SNTG2: variants seen among roughly 807,000 people sequenced by gnomAD.
The protein encoded by SNTG2 is gamma-2-syntrophin.
In SNTG2, 74 loss-of-function variants were observed where a neutral mutation model predicts 70.9. That is an observed-to-expected ratio of 1.04 (90% CI 0.86 to 1.27). The LOEUF is 1.27. SNTG2 is among the 50% of genes most tolerant of loss of function. The pLI, the probability that SNTG2 is intolerant of heterozygous loss-of-function variation, is 0.00. For synonymous variants in SNTG2, 278 were observed against 273.8 expected (o/e 1.02, Z -0.15); for missense variants, 717 against 690.7 (o/e 1.04, Z -0.43).
intron 2 of SNTG2, among the ~76,000 whole-genome samples, chr2:1,096,416 C>G (rs1236289655): frequency 6.6e-6 from 1 of 152,134 alleles, no homozygotes; most frequent in Non-Finnish European, 1.5e-5. Flanking sequence ...ACCATGCTTT[C>G]CATTAGAGCC....
chr2:1,363,110 T>G, intron 16 of SNTG2, among the ~76,000 whole-genome samples: 1 of 142,642 alleles, frequency 7.0e-6, no homozygotes, highest in Non-Finnish European at 1.5e-5. Context: ...ATGACTCCTG[T>G]GAAACCCTCA....
At chr2:1,180,332 A>G (rs1335322114) in intron 8 of SNTG2, among the ~76,000 whole-genome samples, 1 of 135,594 alleles carries the variant, frequency 7.4e-6, no homozygotes, top group Non-Finnish European at 1.6e-5. Flanking sequence ...ACAAAAGGCT[A>G]ATATCCAGAA....
chr2:1,173,449 C>A (rs1172114628), intron 8 of SNTG2, among the ~76,000 whole-genome samples: 1 of 152,154 alleles, frequency 6.6e-6, no homozygotes, highest in Middle Eastern at 3.2e-3. Flanking sequence ...TTGAGTCCTG[C>A]CTCTGACTTA....
intron 8 of SNTG2, among the ~76,000 whole-genome samples, chr2:1,178,855 C>T (rs1419261255): frequency 1.3e-5 from 2 of 152,110 alleles, no homozygotes; most frequent in Admixed American, 6.5e-5. Flanking sequence ...TTTGTATTGA[C>T]TGGAATAGTT....
At chr2:1,161,943 G>A (rs559501739) in intron 6 of SNTG2, among the ~76,000 whole-genome samples, 52 of 152,024 alleles carry the variant, frequency 3.4e-4, no homozygotes, top group Middle Eastern at 3.4e-3. Flanking sequence ...GCGAGATGGC[G>A]GGCGCCTGTA....
chr2:1,307,288 CTGTGTGTGTGTGCCAGCCCTGCATTG>C (rs1165032834), intron 14 of SNTG2, among the ~76,000 whole-genome samples: 6 of 139,142 alleles, frequency 4.3e-5, no homozygotes, highest in African/African-American at 1.4e-4. Flanking sequence ...GAACCGTGCA[CTGTGTGTGTGTGCCAGCCCTGCATTG>C]TGTGTGTGTG....
At chr2:1,342,378 A>G (rs77312860) in intron 16 of SNTG2, among the ~76,000 whole-genome samples, 33 of 60,608 alleles carry the variant, frequency 5.4e-4, no homozygotes, top group African/African-American at 1.8e-3. Context: ...TGTTCTGGGC[A>G]CGCCTGGCCC....
intron 1 of SNTG2, among the ~76,000 whole-genome samples, chr2:1,078,782 G>T (rs1664090075): frequency 6.6e-6 from 1 of 151,686 alleles, no homozygotes. Context: ...GAAGGCAACT[G>T]AACCCCGTGA....
chr2:1,144,032 G>A (rs1159735377), intron 6 of SNTG2, among the ~76,000 whole-genome samples: 1 of 152,130 alleles, frequency 6.6e-6, no homozygotes, highest in Non-Finnish European at 1.5e-5. Context: ...TGAAGCTGTG[G>A]CTCTCAGGAC....
chr2:1,024,312 GTTA>G lies in SNTG2; in HGVS notation c.73-59200_73-59198del, dbSNP rs755168616. On this transcript the variant is annotated intron_variant, in intron 1 of 16. Coordinates refer to ENST00000308624, the MANE Select transcript of SNTG2 (RefSeq NM_018968.4). ...CATACATGATGTGATGTGACAGAAG[GTTA>G]TTATTTATTTTTTCTATAAGTGAAA... Among the ~76,000 whole-genome samples the G allele has an allele frequency of 1.3e-4, 20 of 152,272 alleles. No homozygotes were observed. In the East Asian group the frequency reaches 1.7e-3, roughly 13 times the overall value.
At chr2:1,263,738 G>A (rs113630643) in intron 13 of SNTG2, among the ~76,000 whole-genome samples, 58 of 152,244 alleles carry the variant, frequency 3.8e-4, no homozygotes, top group Admixed American at 7.8e-4. Context: ...ATGTGAATCC[G>A]GGATGTGAGC....
intron 12 of SNTG2, among the ~76,000 whole-genome samples, chr2:1,248,890 C>G (rs1677596867): frequency 6.6e-6 from 1 of 152,160 alleles, no homozygotes; most frequent in Non-Finnish European, 1.5e-5. Context: ...TCTTCAAACC[C>G]TAATGGGCAG....
chr2:1,252,016 T>C, intron 12 of SNTG2, among the ~76,000 whole-genome samples: 1 of 152,202 alleles, frequency 6.6e-6, no homozygotes, highest in East Asian at 1.9e-4. Flanking sequence ...TGAGTAGAGT[T>C]AGATCCACCA....
chr2:1,022,998 A>C (rs1470223721), intron 1 of SNTG2, among the ~76,000 whole-genome samples: 1 of 152,222 alleles, frequency 6.6e-6, no homozygotes, highest in Admixed American at 6.5e-5. Context: ...TGAGACTGGC[A>C]GCAAATGAGA....
At chr2:1,056,313 G>GC (rs555868085) in intron 1 of SNTG2, among the ~76,000 whole-genome samples, 1 of 35,342 alleles carries the variant, frequency 2.8e-5, no homozygotes. Context: ...GGGAGGGAGA[G>GC]GCCGCGCCGT....
intron 11 of SNTG2, among the ~76,000 whole-genome samples, chr2:1,243,713 T>G (rs1677197532): frequency 6.6e-6 from 1 of 152,182 alleles, no homozygotes; most frequent in African/African-American, 2.4e-5. Context: ...CAGCGCATGA[T>G]TAAGTGTTTC....
At chr2:986,215 G>A (rs1661317516) in intron 1 of SNTG2, among the ~76,000 whole-genome samples, 2 of 152,136 alleles carry the variant, frequency 1.3e-5, no homozygotes, top group Admixed American at 1.3e-4. Context: ...GGACATGGCC[G>A]GGATGGCCCC....
intron 2 of SNTG2, among the ~76,000 whole-genome samples, chr2:1,088,334 T>C (rs1664807758): frequency 6.6e-6 from 1 of 152,240 alleles, no homozygotes; most frequent in Non-Finnish European, 1.5e-5. Context: ...CCAGTTTCTG[T>C]GTGCTTCTTC....
chr2:965,066 C>T (rs1380308580), intron 1 of SNTG2, among the ~76,000 whole-genome samples: 1 of 147,272 alleles, frequency 6.8e-6, no homozygotes, highest in Non-Finnish European at 1.5e-5. Flanking sequence ...CTGAATCCTC[C>T]TTAGTCCCCC....
Sources: allele counts gnomAD v4.1 joint callset (sites outside exome capture counted in the v4.1 genomes callset), GRCh38; gene constraint gnomAD v4.1.1; transcripts MANE v1.5; gene names NCBI Gene and HGNC (gene_info 2026-07-23, HGNC 2026-07-21).